The following PLXDC2 variants were observed in gnomAD, a reference collection of about 807,000 sequenced individuals.
PLXDC2 encodes the protein plexin domain-containing protein 2.
In PLXDC2, 40 loss-of-function variants were observed where a neutral mutation model predicts 68.9. The observed-to-expected ratio is 0.58, with a 90% confidence interval of 0.45 to 0.76. The LOEUF is 0.76. PLXDC2 is among the 30% of genes least tolerant of loss of function. PLXDC2 has a pLI of 0.00. For synonymous variants in PLXDC2, 243 were observed against 234.2 expected (o/e 1.04, Z -0.34); for missense variants, 644 against 661.9 (o/e 0.97, Z 0.30).
intron 1 of PLXDC2, among the ~76,000 whole-genome samples, chr10:19,945,114 T>G (rs1161404060): frequency 6.6e-6 from 1 of 152,232 alleles, no homozygotes; most frequent in Non-Finnish European, 1.5e-5. Flanking sequence ...CCAGTTAGGT[T>G]ACAGTTCATT....
intron 3 of PLXDC2, among the ~76,000 whole-genome samples, chr10:20,050,898 G>A (rs1022814882): frequency 2.6e-5 from 4 of 151,972 alleles, no homozygotes; most frequent in Non-Finnish European, 5.9e-5. Context: ...ATAGCCAGAA[G>A]AATATAAATC....
chr10:19,857,709 T>A (rs1354031897), intron 1 of PLXDC2, among the ~76,000 whole-genome samples: 1 of 152,174 alleles, frequency 6.6e-6, no homozygotes, highest in Non-Finnish European at 1.5e-5. Flanking sequence ...ACATTAGAGA[T>A]GTGCTAAAAT....
chr10:20,063,217 G>A (rs967521305), intron 3 of PLXDC2, among the ~76,000 whole-genome samples: 3 of 151,996 alleles, frequency 2.0e-5, no homozygotes, highest in African/African-American at 7.2e-5. Flanking sequence ...CTTTGCTATG[G>A]TAAACTCATG....
intron 1 of PLXDC2, among the ~76,000 whole-genome samples, chr10:19,869,134 T>C (rs758804980): frequency 2.6e-5 from 4 of 152,034 alleles, no homozygotes; most frequent in Non-Finnish European, 4.4e-5. Context: ...CGGTGGCTCA[T>C]GACTGTAATC....
intron 9 of PLXDC2, among the ~76,000 whole-genome samples, chr10:20,209,701 G>A (rs954216082): frequency 6.6e-6 from 1 of 152,086 alleles, no homozygotes; most frequent in Non-Finnish European, 1.5e-5. Flanking sequence ...GCGCCCAGAT[G>A]TCATATTGTT....
intron 1 of PLXDC2, among the ~76,000 whole-genome samples, chr10:19,846,216 T>C (rs1321653298): frequency 6.6e-6 from 1 of 152,038 alleles, no homozygotes; most frequent in African/African-American, 2.4e-5. Flanking sequence ...AGGTGAGTAA[T>C]TTGGATCTGT....
chr10:19,824,932 G>A (rs189208662), intron 1 of PLXDC2, among the ~76,000 whole-genome samples: 14 of 152,268 alleles, frequency 9.2e-5, no homozygotes, highest in African/African-American at 3.1e-4. Context: ...GCCTGTTAAG[G>A]ATTACAGATC....
chr10:19,983,306 A>G (rs1266252956), intron 1 of PLXDC2, among the ~76,000 whole-genome samples: 2 of 152,130 alleles, frequency 1.3e-5, no homozygotes, highest in African/African-American at 4.8e-5. Context: ...GGGAAAGAGG[A>G]CATACTGTTA....
At chr10:20,157,795 C>T (rs1469311625) in intron 6 of PLXDC2, among the ~76,000 whole-genome samples, 1 of 152,188 alleles carries the variant, frequency 6.6e-6, no homozygotes, top group Non-Finnish European at 1.5e-5. Context: ...AGTAATAAAC[C>T]TATCTCTATC....
chr10:20,223,931 A>G (rs1372042223), intron 12 of PLXDC2, among the ~76,000 whole-genome samples: 1 of 150,080 alleles, frequency 6.7e-6, no homozygotes, highest in Non-Finnish European at 1.5e-5. Context: ...AGAAATGTGG[A>G]TTTAATTCAC....
At chr10:20,241,131 G>C (rs1835510163) in intron 12 of PLXDC2, among the ~76,000 whole-genome samples, 2 of 38,034 alleles carry the variant, frequency 5.3e-5, no homozygotes, top group Admixed American at 1.7e-4. Context: ...GAAATGTAAA[G>C]GAACATTTTT....
At chr10:20,157,180 A>G (rs369897236) in intron 6 of PLXDC2, among the ~76,000 whole-genome samples, 16 of 152,256 alleles carry the variant, frequency 1.1e-4, no homozygotes, top group East Asian at 5.8e-4. Flanking sequence ...TAAGGGTTAC[A>G]GGCAGATAAG....
chr10:19,947,025 CT>C (rs1175582488), intron 1 of PLXDC2, among the ~76,000 whole-genome samples: 1 of 151,896 alleles, frequency 6.6e-6, no homozygotes, highest in African/African-American at 2.4e-5. Context: ...CTCAAGGGTC[CT>C]TATAAGTAAA....
At chr10:20,084,937 A>G (rs1833169406) in intron 4 of PLXDC2, among the ~76,000 whole-genome samples, 1 of 151,986 alleles carries the variant, frequency 6.6e-6, no homozygotes, top group South Asian at 2.1e-4. Flanking sequence ...CTATCGAGAA[A>G]GCTGTACCTT....
intron 1 of PLXDC2, among the ~76,000 whole-genome samples, chr10:19,950,048 C>T (rs967724468): frequency 2.0e-5 from 3 of 152,138 alleles, no homozygotes; most frequent in Non-Finnish European, 4.4e-5. Flanking sequence ...GACAAATCCA[C>T]ACCTAATATC....
intron 13 of PLXDC2, among the ~76,000 whole-genome samples, chr10:20,274,382 G>T (rs1279872276): frequency 6.6e-6 from 1 of 152,190 alleles, no homozygotes; most frequent in Non-Finnish European, 1.5e-5. Flanking sequence ...CTAGAAGAGA[G>T]CTGATCTGTA....
intron 1 of PLXDC2, among the ~76,000 whole-genome samples, chr10:19,891,560 A>T (rs1194362027): frequency 1.3e-5 from 2 of 152,130 alleles, no homozygotes; most frequent in Non-Finnish European, 2.9e-5. Context: ...CAGGCGTTGG[A>T]AAAAGAAAGC....
At chr10:20,256,207 A>G (rs1248266640) in intron 13 of PLXDC2, among the ~76,000 whole-genome samples, 1 of 151,768 alleles carries the variant, frequency 6.6e-6, no homozygotes, top group Non-Finnish European at 1.5e-5. Context: ...ATTTCAGCTC[A>G]CTGCAACCTC....
chr10:20,195,812 G>A (rs1834829646), intron 9 of PLXDC2, among the ~76,000 whole-genome samples: 1 of 152,058 alleles, frequency 6.6e-6, no homozygotes, highest in African/African-American at 2.4e-5. Flanking sequence ...ATGTTCCCGA[G>A]GAAGATAGAC....
Sources: gnomAD v4.1 joint callset for allele counts (sites outside exome capture counted in the v4.1 genomes callset) on GRCh38, gnomAD v4.1.1 for gene constraint, MANE v1.5 for transcripts, NCBI Gene and HGNC (gene_info 2026-07-23, HGNC 2026-07-21) for gene names.